SCAMP1: variants seen among roughly 807,000 people sequenced by gnomAD.
The protein encoded by SCAMP1 is secretory carrier membrane protein 1, also known as secretory carrier-associated membrane protein 1.
A neutral mutation model predicts 41.8 loss-of-function variants in SCAMP1; 15 were observed. The observed-to-expected ratio is 0.36, with a 90% CI of 0.24 to 0.55. SCAMP1 has a LOEUF of 0.55. Ranked by LOEUF, SCAMP1 falls within the 20% of genes least tolerant of loss-of-function variation. The pLI is 0.86. For missense variants in SCAMP1, 341 were observed against 412.6 expected, an observed-to-expected ratio of 0.83 and a Z score of 1.50; for synonymous variants, 135 against 136.8, an observed-to-expected ratio of 0.99 and a Z score of 0.09.
intron 2 of SCAMP1, among the ~76,000 whole-genome samples, chr5:78,412,563 G>A (rs557043014): frequency 7.2e-5 from 11 of 152,048 alleles, no homozygotes; most frequent in African/African-American, 2.4e-4. Context: ...CACCACCATT[G>A]TGTATATTGT....
intron 8 of SCAMP1, among the ~76,000 whole-genome samples, chr5:78,472,773 G>A (rs887720188): frequency 1.2e-4 from 18 of 152,110 alleles, no homozygotes; most frequent in Non-Finnish European, 2.2e-4. Flanking sequence ...TTAGTAAACT[G>A]TGAAGCCCAT....
chr5:78,363,677 A>G lies in SCAMP1; in HGVS notation c.57+2949A>G, dbSNP rs573201704. On this transcript the variant is annotated intron_variant, in intron 1 of 8. Transcript: ENST00000621999. ...ATTTCTTTTCCTTCACTTTTATGTT[A>G]GGAATACTTCTGCAAGCATCTTCGT... Among the ~76,000 whole-genome samples, 13 of 152,230 alleles carry G rather than the reference A, an allele frequency of 8.5e-5. No homozygotes were observed. The South Asian group carries it at 2.5e-3, about 29-fold the overall frequency.
chr5:78,418,965 T>A, intron 5 of SCAMP1, 62 bp downstream of exon 5: 1 of 1,405,216 alleles, frequency 7.1e-7, no homozygotes, highest in Non-Finnish European at 9.6e-7. Context: ...AAAATCCGCA[T>A]TTTTATTTCA....
intron 8 of SCAMP1, among the ~76,000 whole-genome samples, chr5:78,460,436 A>G (rs1753555694): frequency 6.6e-6 from 1 of 152,070 alleles, no homozygotes; most frequent in Non-Finnish European, 1.5e-5. Context: ...TGAGTTTTTA[A>G]TAATAGCCAT....
At chr5:78,391,154 A>G (rs528635675) in intron 2 of SCAMP1, among the ~76,000 whole-genome samples, 2 of 152,242 alleles carry the variant, frequency 1.3e-5, no homozygotes, top group South Asian at 2.1e-4. Context: ...GCCCGTTCTC[A>G]ATGAGCTGTT....
intron 2 of SCAMP1, among the ~76,000 whole-genome samples, chr5:78,413,308 CCTTGCAT>C (rs1752127112): frequency 6.6e-6 from 1 of 151,912 alleles, no homozygotes; most frequent in African/African-American, 2.4e-5. Context: ...ACTTCTCTGT[CCTTGCAT>C]CTGTATTACA....
At chr5:78,469,918 A>AAAAAAAAC (rs1753839845) in intron 8 of SCAMP1, among the ~76,000 whole-genome samples, 1 of 45,572 alleles carries the variant, frequency 2.2e-5, no homozygotes, top group Non-Finnish European at 4.4e-5. Context: ...AAAAACAAAA[A>AAAAAAAAC]AAAAAAAAAA....
intron 1 of SCAMP1, among the ~76,000 whole-genome samples, chr5:78,385,076 C>T (rs927738233): frequency 3.3e-5 from 5 of 152,120 alleles, no homozygotes; most frequent in African/African-American, 1.2e-4. Context: ...TCCATCTGGC[C>T]ATGGACTTTT....
At chr5:78,392,037 GACCGTGGAA>G (rs145174241) in intron 2 of SCAMP1, among the ~76,000 whole-genome samples, 2 of 1,596 alleles carry the variant, frequency 1.3e-3, no homozygotes, top group African/African-American at 6.7e-3. Flanking sequence ...GGGAGAGGGA[GACCGTGGAA>G]AGAGAGGGAG....
chr5:78,418,872 G>T lies in SCAMP1; in HGVS notation c.441G>T (p.Lys147Asn), dbSNP rs1217713171. ...FSVDIPVEFQ[K>N]TVKLMYYLWM... ...TAGACATTCCTGTAGAATTCCAAAAGACAGTAAAGCTTATGTACTACTTGT... is the reference window on the plus strand; with the variant it reads ...TAGACATTCCTGTAGAATTCCAAAATACAGTAAAGCTTATGTACTACTTGT... The change falls in exon 5 of 9, where the codon AAG becomes AAT. Residue 147 changes from lysine to asparagine, a missense_variant. By Grantham distance (94) the Lys-to-Asn change is moderately conservative (BLOSUM62 0). Coordinates refer to ENST00000621999, the MANE Select transcript of SCAMP1 (RefSeq NM_004866.6). 14 of 1,578,688 alleles carry T rather than the reference G, an allele frequency of 8.9e-6. No homozygotes were observed. Among genetic ancestry groups the T allele is most frequent in the Non-Finnish European group, 1.2e-5 (14 of 1,161,892 alleles).
chr5:78,465,688 T>G (rs1224912303), intron 8 of SCAMP1, among the ~76,000 whole-genome samples: 2 of 152,250 alleles, frequency 1.3e-5, no homozygotes, highest in African/African-American at 4.8e-5. Context: ...TGTCTACTTT[T>G]GTTTAGTAGA....
chr5:78,426,388 T>C (rs1431466890), intron 6 of SCAMP1, among the ~76,000 whole-genome samples: 2 of 152,232 alleles, frequency 1.3e-5, no homozygotes, highest in Non-Finnish European at 2.9e-5. Flanking sequence ...CCACAATGGT[T>C]GAACTAATTT....
intron 1 of SCAMP1, among the ~76,000 whole-genome samples, chr5:78,378,696 A>G (rs543355435): frequency 2.6e-5 from 4 of 152,250 alleles, no homozygotes; most frequent in Non-Finnish European, 5.9e-5. Context: ...GGCTTAACTA[A>G]TGATGTAAAG....
rs994847011 is a variant in SCAMP1, at chr5:78,478,817, A to C, written c.*3149A>C. 2 of 152,172 alleles carry C rather than the reference A, an allele frequency of 1.3e-5. No homozygotes were observed. Among genetic ancestry groups the C allele is most frequent in the Non-Finnish European group, 2.9e-5 (2 of 67,986 alleles). 9.4% of individuals were successfully genotyped at this position (152,172 alleles called of 1,614,324 possible). On this transcript the variant is annotated 3_prime_UTR_variant, in exon 9 of 9. Coordinates refer to ENST00000621999, the MANE Select transcript of SCAMP1 (RefSeq NM_004866.6). ...ATCTTATTTTGAGAAATACATGTTA[A>C]AAAAGGAACAGTATTCTTTATTTTC...
chr5:78,371,445 A>G (rs531532879), intron 1 of SCAMP1, among the ~76,000 whole-genome samples: 2 of 152,332 alleles, frequency 1.3e-5, no homozygotes, highest in Admixed American at 1.3e-4. Flanking sequence ...ATCTTGGCAC[A>G]CTTGTCAAAA....
intron 2 of SCAMP1, among the ~76,000 whole-genome samples, chr5:78,409,330 A>G (rs1255587220): frequency 1.3e-5 from 2 of 152,094 alleles, no homozygotes; most frequent in Non-Finnish European, 2.9e-5. Context: ...ATCTCTACAT[A>G]TGGGTGATCT....
chr5:78,432,338 A>C (rs569113335), intron 6 of SCAMP1, among the ~76,000 whole-genome samples: 106 of 152,226 alleles, frequency 7.0e-4, no homozygotes, highest in Middle Eastern at 6.8e-3. Flanking sequence ...ATCATATCAT[A>C]ATCTTTTTGC....
chr5:78,452,852 G>C (rs1281784177), intron 7 of SCAMP1, among the ~76,000 whole-genome samples: 2 of 148,220 alleles, frequency 1.3e-5, no homozygotes, highest in South Asian at 2.2e-4. Flanking sequence ...AGCACCTGTT[G>C]TTTCCTGACT....
At chr5:78,447,729 A>G (rs1477085753) in intron 6 of SCAMP1, among the ~76,000 whole-genome samples, 1 of 152,170 alleles carries the variant, frequency 6.6e-6, no homozygotes, top group Non-Finnish European at 1.5e-5. Context: ...AAGATATATA[A>G]AAGAACAAGC....
Sources: allele counts gnomAD v4.1 joint callset (sites outside exome capture counted in the v4.1 genomes callset), GRCh38; gene constraint gnomAD v4.1.1; transcripts MANE v1.5; gene names NCBI Gene and HGNC (gene_info 2026-07-23, HGNC 2026-07-21).